ECD: variants seen among roughly 807,000 people sequenced by gnomAD.
ECD encodes ecdysoneless cell cycle regulator.
A neutral mutation model predicts 77.2 loss-of-function variants in ECD; 59 were observed. That is an observed-to-expected ratio of 0.76 (90% CI 0.62 to 0.95). The LOEUF is 0.95. Ranked by LOEUF, ECD falls within the 40% of genes least tolerant of loss-of-function variation. ECD has a pLI of 0.00. For synonymous variants in ECD, 233 were observed against 267.4 expected, an observed-to-expected ratio of 0.87 and a Z score of 1.26; for missense variants, 704 against 763.4, an observed-to-expected ratio of 0.92 and a Z score of 0.92.
chr10:73,149,785 G>A (rs1329065531), intron 7 of ECD, among the ~76,000 whole-genome samples: 1 of 152,070 alleles, frequency 6.6e-6, no homozygotes, highest in African/African-American at 2.4e-5. Flanking sequence ...TCTCCTAAGG[G>A]ATACAATCAA....
intron 2 of ECD, among the ~76,000 whole-genome samples, chr10:73,162,883 A>G (rs765766187): frequency 1.7e-4 from 26 of 152,254 alleles, no homozygotes; most frequent in Non-Finnish European, 2.2e-4. Context: ...CTAGCAGAGG[A>G]GCAGGTCCTG....
At chr10:73,162,052 A>T (rs1843387429) in intron 2 of ECD, among the ~76,000 whole-genome samples, 1 of 152,208 alleles carries the variant, frequency 6.6e-6, no homozygotes. Context: ...AACTCCAATT[A>T]AAGTAACTAT....
chr10:73,158,404 T>C (rs1050057824), intron 3 of ECD, among the ~76,000 whole-genome samples: 1 of 152,058 alleles, frequency 6.6e-6, no homozygotes, highest in African/African-American at 2.4e-5. Flanking sequence ...CAAGACAACA[T>C]GTTATACATA....
chr10:73,155,132 T>G lies in ECD; in HGVS notation c.591-684A>C, dbSNP rs539891399. ...GGTGCAACCTCGGCTCACTGTAACC[T>G]CCACCTCCCTGCAACCTCCACCTCC... On this transcript the variant is annotated intron_variant, in intron 5 of 13. Transcript: ENST00000372979. Among the ~76,000 whole-genome samples the G allele has an allele frequency of 9.2e-5, 14 of 152,046 alleles. No homozygotes were observed. The South Asian group carries it at 1.2e-3, about 14-fold the overall frequency.
chr10:73,148,151 G>A, intron 8 of ECD, 125 bp downstream of exon 8: 1 of 1,209,620 alleles, frequency 8.3e-7, no homozygotes, highest in Non-Finnish European at 1.1e-6. Flanking sequence ...GAACTAGAAA[G>A]GTCTCCTTTA....
chr10:73,143,796 T>A (rs1843089445), intron 9 of ECD, among the ~76,000 whole-genome samples: 1 of 152,072 alleles, frequency 6.6e-6, no homozygotes, highest in South Asian at 2.1e-4. Context: ...TTTTTTTTTT[T>A]TTTTGGTACC....
At chr10:73,147,690 G>T (rs1227408197) in intron 8 of ECD, among the ~76,000 whole-genome samples, 1 of 152,054 alleles carries the variant, frequency 6.6e-6, no homozygotes, top group Non-Finnish European at 1.5e-5. Flanking sequence ...CAAAGTGAAG[G>T]TTCCAAGTTT....
chr10:73,136,982 A>ATTT lies in ECD; in HGVS notation c.1490-65_1490-64insAAA, dbSNP rs1442899294. 48 of 648,762 alleles carry ATTT rather than the reference A, an allele frequency of 7.4e-5. 1 individual carries two copies. Among genetic ancestry groups the ATTT allele is most frequent in the Non-Finnish European group, 8.3e-5 (43 of 521,040 alleles). The allele number at this position is 648,762 out of a possible 1,614,324, so 40.2% of individuals were successfully genotyped here. ...TATTATTATTATTATTATTATTATT[A>ATTT]TTATTTAGTTACTACACATCTCAAA... On this transcript the variant is annotated intron_variant, in intron 12 of 13. Coordinates refer to ENST00000372979, the MANE Select transcript of ECD (RefSeq NM_007265.3).
chr10:73,149,283 G>A (rs1298895807), intron 7 of ECD, among the ~76,000 whole-genome samples: 1 of 152,148 alleles, frequency 6.6e-6, no homozygotes, highest in East Asian at 1.9e-4. Context: ...AAAGGTTTGT[G>A]CATTTTAAAT....
chr10:73,147,911 A>G (rs1180118411), intron 8 of ECD, among the ~76,000 whole-genome samples: 1 of 152,012 alleles, frequency 6.6e-6, no homozygotes, highest in Non-Finnish European at 1.5e-5. Flanking sequence ...CTACTTGTGA[A>G]GTTGAATATT....
At chr10:73,145,842 A>C (rs1247821441) in intron 9 of ECD, among the ~76,000 whole-genome samples, 1 of 151,910 alleles carries the variant, frequency 6.6e-6, no homozygotes, top group Non-Finnish European at 1.5e-5. Context: ...ACGGGGTTTC[A>C]CCATGTTGAC....
intron 11 of ECD, among the ~76,000 whole-genome samples, chr10:73,138,691 C>T (rs1843008493): frequency 6.6e-6 from 1 of 152,088 alleles, no homozygotes; most frequent in East Asian, 1.9e-4. Flanking sequence ...CTCAGCCTTT[C>T]AAGTAGCTGG....
rs1233345765 is a variant in ECD at position 73,143,294 on chromosome 10, G to A, written c.1127+2982C>T. Among the ~76,000 whole-genome samples the A allele has an allele frequency of 1.2e-4, 18 of 152,128 alleles. No individual in the cohort carries two copies. In the South Asian group the frequency reaches 2.5e-3, roughly 21 times the overall value. On this transcript the variant is annotated intron_variant, in intron 9 of 13. Transcript: ENST00000372979. Reference sequence around the variant, plus strand: ...TGCGATTCTCCTGCCTCAGCCTCCCGAGCAGCTGGGATTACAGGGGCGTGC... The same window carrying A: ...TGCGATTCTCCTGCCTCAGCCTCCCAAGCAGCTGGGATTACAGGGGCGTGC...
At chr10:73,146,636 T>C (rs1422779658) in intron 8 of ECD, among the ~76,000 whole-genome samples, 3 of 152,206 alleles carry the variant, frequency 2.0e-5, no homozygotes, top group African/African-American at 2.4e-5. Flanking sequence ...TTTACTTAAT[T>C]ACTTATTAAG....
At chr10:73,166,673 T>G (rs1046473844) in intron 1 of ECD, among the ~76,000 whole-genome samples, 3 of 152,264 alleles carry the variant, frequency 2.0e-5, no homozygotes, top group African/African-American at 7.2e-5. Context: ...GACTGCTTCC[T>G]AGAGAGTTGT....
intron 1 of ECD, among the ~76,000 whole-genome samples, chr10:73,164,786 C>T (rs1843430257): frequency 6.6e-6 from 1 of 152,142 alleles, no homozygotes; most frequent in Non-Finnish European, 1.5e-5. Flanking sequence ...ACCCTTTACA[C>T]TTAAAACTTT....
In ECD at chr10:73,136,705, A is replaced by G. The variant is rs1391991241; in HGVS notation, c.1703T>C (p.Val568Ala). The G allele has an allele frequency of 6.2e-7, 1 of 1,613,542 alleles. No individual in the cohort carries two copies. The highest frequency in any genetic ancestry group is 2.2e-5 in the East Asian group (1 of 44,836). Reference sequence around the variant, plus strand: ...GAAAGAGGTTAAAAACACACATACCACTTGGTTCCTAGTGGTGAAACTTTT... The same window carrying G: ...GAAAGAGGTTAAAAACACACATACCGCTTGGTTCCTAGTGGTGAAACTTTT... ...ISKSFTTRNQ[V>A]EPVSQTTDNN... The change falls in exon 13 of 14, where the codon GTG becomes GCG. Residue 568 changes from valine to alanine, a missense_variant and splice_region_variant. Transcript: ENST00000372979.
Position 73,138,076 on chromosome 10 carries a change from A to G in ECD, c.1422-6T>C. The stretch of plus-strand genomic sequence containing the variant: ...TTGGAGCCTCAGAAGGTTCTCTGCA[A>G]TATTAAAGGACAAAGACAATTAATT... On this transcript the variant is annotated splice_polypyrimidine_tract_variant and splice_region_variant and intron_variant, in intron 11 of 13. Transcript: ENST00000372979. 6.3e-7 allele frequency: 1 copy of G among 1,576,176 alleles called. No homozygotes were observed. The highest frequency in any genetic ancestry group is 2.3e-5 in the East Asian group (1 of 42,720).
At chr10:73,148,247 C>T (rs1163917556) in intron 8 of ECD, 29 bp downstream of exon 8, 8 of 1,609,856 alleles carry the variant, frequency 5.0e-6, no homozygotes, top group Non-Finnish European at 6.8e-6. Flanking sequence ...GGATTGAATA[C>T]TTAAAAGCAA....
Sources: gnomAD v4.1 joint callset for allele counts (sites outside exome capture counted in the v4.1 genomes callset) on GRCh38, gnomAD v4.1.1 for gene constraint, MANE v1.5 for transcripts, NCBI Gene and HGNC (gene_info 2026-07-23, HGNC 2026-07-21) for gene names.